Variants in MYG1 observed in about 807,000 individuals in gnomAD.
MYG1 encodes UPF0160 protein MYG1, mitochondrial.
MYG1 carries 36 observed loss-of-function variants against 43.5 expected under a neutral mutation model. The observed-to-expected ratio is 0.83, with a 90% confidence interval of 0.63 to 1.09. MYG1 has a LOEUF of 1.09. Ranked by LOEUF, MYG1 falls within the 50% of genes least tolerant of loss-of-function variation. The pLI is 0.00. For missense variants in MYG1, 529 were observed against 495.1 expected (o/e 1.07, Z -0.65); for synonymous variants, 220 against 202.8 (o/e 1.08, Z -0.72).
Position 53,306,252 on chromosome 12 carries a change from G to C in MYG1, c.697G>C (p.Asp233His). Residue 233 changes from aspartate (D) to histidine (H), a missense_variant, in exon 5 of 7, where the codon GAT becomes CAT. Transcript: ENST00000267103. The stretch of plus-strand genomic sequence containing the variant: ...TCAAGAGGAGTTTCTGCAGAGATTA[G>C]ATTTCTACCAACACAGCTGGCTGCC... ...LVQEEFLQRL[D>H]FYQHSWLPAR... The C allele has an allele frequency of 1.2e-6, 2 of 1,614,260 alleles. No individual in the cohort carries two copies. Among genetic ancestry groups the C allele is most frequent in the Non-Finnish European group, 1.7e-6 (2 of 1,180,044 alleles).
chr12:53,301,620 G>A (rs543119258), intron 2 of MYG1, among the ~76,000 whole-genome samples: 1 of 152,142 alleles, frequency 6.6e-6, no homozygotes, highest in Admixed American at 6.6e-5. Flanking sequence ...AGTTACCTCA[G>A]CACCAAACCA....
rs1944208872 is a variant in MYG1 at position 53,299,802 on chromosome 12, G to A, written c.65G>A (p.Arg22Gln). 1.9e-6 allele frequency: 3 copies of A among 1,614,030 alleles called. No homozygotes were observed. Among genetic ancestry groups the A allele is most frequent in the South Asian group, 1.1e-5 (1 of 91,080 alleles). ...CTGCCGCCGCCACCCCTGTATACCC[G>A]GCACCGCATGCTCGGTCCAGAGTCC... is the stretch of plus-strand genomic sequence containing the variant. ...LLLPPPPLYT[R>Q]HRMLGPESVP... Residue 22 changes from arginine (R) to glutamine (Q), a missense_variant, in exon 1 of 7, where the codon CGG (arginine) becomes CAG (glutamine). By Grantham distance (43) the Arg-to-Gln change is conservative. Coordinates refer to ENST00000267103, the MANE Select transcript of MYG1 (RefSeq NM_021640.4).
rs749350639 is a variant in MYG1, at chr12:53,299,794, G to A, written c.57G>A (p.Leu19=). 5 of 1,614,006 alleles carry A rather than the reference G, an allele frequency of 3.1e-6. No individual in the cohort carries two copies. Among genetic ancestry groups the A allele is most frequent in the Non-Finnish European group, 4.2e-6 (5 of 1,179,956 alleles). ...CGCTGCTGCTGCCGCCGCCACCCCT[G>A]TATACCCGGCACCGCATGCTCGGTC... The part of the protein sequence containing the change: ...LLTLLLPPPP[L]YTRHRMLGPE... Residue 19 remains leucine, a synonymous_variant, in exon 1 of 7, where the codon CTG becomes CTA. Coordinates refer to ENST00000267103, the MANE Select transcript of MYG1 (RefSeq NM_021640.4).
chr12:53,300,183 A>C lies in MYG1; in HGVS notation c.250A>C (p.Lys84Gln). 3 of 1,606,482 alleles carry C rather than the reference A, an allele frequency of 1.9e-6. No individual in the cohort carries two copies. Among genetic ancestry groups the C allele is most frequent in the Non-Finnish European group, 1.7e-6 (2 of 1,175,696 alleles). ...GATTGTGCGGACCCGGGATCCCGAAAAACTCGCTTCCTGTGACATCGTGGT... is the reference window on the plus strand; with the variant it reads ...GATTGTGCGGACCCGGGATCCCGAACAACTCGCTTCCTGTGACATCGTGGT... ...AEIVRTRDPE[K>Q]LASCDIVVDV... Residue 84 changes from lysine to glutamine, a missense_variant, in exon 2 of 7, where the codon AAA becomes CAA. Coordinates refer to ENST00000267103, the MANE Select transcript of MYG1 (RefSeq NM_021640.4).
At chr12:53,304,138 C>T (rs1477479732) in intron 3 of MYG1, among the ~76,000 whole-genome samples, 2 of 151,966 alleles carry the variant, frequency 1.3e-5, no homozygotes, top group South Asian at 2.1e-4. Context: ...CCACTGCACC[C>T]GGCCCATCAG....
At chr12:53,303,378 C>T in intron 3 of MYG1, 185 bp downstream of exon 3, 1 of 614,126 alleles carries the variant, frequency 1.6e-6, no homozygotes, top group Non-Finnish European at 2.7e-6. Context: ...CCCCTGTCTA[C>T]ATCCTGGGGT....
chr12:53,303,115 G>A lies in MYG1; in HGVS notation c.411G>A (p.Leu137=). 1 of 1,614,180 alleles carries A rather than the reference G, an allele frequency of 6.2e-7. No individual in the cohort carries two copies. Among genetic ancestry groups the A allele is most frequent in the Non-Finnish European group, 8.5e-7 (1 of 1,180,024 alleles). The change falls in exon 3 of 7, where the codon CTG becomes CTA. Residue 137 remains leucine, a synonymous_variant. Coordinates refer to ENST00000267103, the MANE Select transcript of MYG1 (RefSeq NM_021640.4). ...TGAGCAGTGCGGGACTCATCTATCT[G>A]CACTTCGGGCACAAGCTGCTGGCCC... The part of the protein sequence containing the change: ...TKLSSAGLIY[L]HFGHKLLAQL...
Position 53,303,036 on chromosome 12 carries a change from C to G in MYG1, c.332C>G (p.Ser111Cys). 2 of 1,609,906 alleles carry G rather than the reference C, an allele frequency of 1.2e-6. No homozygotes were observed. The highest frequency in any genetic ancestry group is 1.7e-6 in the Non-Finnish European group (2 of 1,177,276). The part of the protein sequence containing the change: ...RRHRYDHHQR[S>C]FTETMSSLSP... ...CCCCACCTCCCTATGCTCCTCAGGT[C>G]TTTCACAGAGACCATGAGCTCCCTG... The change falls in exon 3 of 7, where the codon TCT (serine) becomes TGT (cysteine). Residue 111 changes from serine (S) to cysteine (C), a missense_variant and splice_region_variant. By Grantham distance (112) the Ser-to-Cys change is moderately radical (BLOSUM62 -1). Coordinates refer to ENST00000267103, the MANE Select transcript of MYG1 (RefSeq NM_021640.4).
At chr12:53,302,398 A>G (rs1373211984) in intron 2 of MYG1, among the ~76,000 whole-genome samples, 1 of 152,208 alleles carries the variant, frequency 6.6e-6, no homozygotes, top group African/African-American at 2.4e-5. Flanking sequence ...AACATCTGTT[A>G]TATCTTTTCT....
rs1217812504 is a variant in MYG1, at chr12:53,306,245, G to T, written c.690G>T (p.Gln230His). 10 of 1,614,280 alleles carry T rather than the reference G, an allele frequency of 6.2e-6. No homozygotes were observed. The highest frequency in any genetic ancestry group is 8.5e-6 in the Non-Finnish European group (10 of 1,180,048). Residue 230 changes from glutamine (Q) to histidine (H), a missense_variant, in exon 5 of 7, where the codon CAG becomes CAT. By Grantham distance (24) the Gln-to-His change is conservative. Coordinates refer to ENST00000267103, the MANE Select transcript of MYG1 (RefSeq NM_021640.4). Reference sequence around the variant, plus strand: ...ATCTGGTTCAAGAGGAGTTTCTGCAGAGATTAGATTTCTACCAACACAGCT... The same window carrying T: ...ATCTGGTTCAAGAGGAGTTTCTGCATAGATTAGATTTCTACCAACACAGCT... Reference protein sequence around the residue: ...AMDLVQEEFLQRLDFYQHSWL... With the variant: ...AMDLVQEEFLHRLDFYQHSWL...
chr12:53,299,771 C>G lies in MYG1; in HGVS notation c.34C>G (p.Leu12Val), dbSNP rs199609884. ...CCAATTCCTGCGCGGCCTCTTAACG[C>G]TGCTGCTGCCGCCGCCACCCCTGTA... ...GHQFLRGLLT[L>V]LLPPPPLYTR... is the part of the protein sequence containing the mutation. Residue 12 changes from leucine to valine, a missense_variant, in exon 1 of 7, where the codon CTG becomes GTG. By Grantham distance (32) the Leu-to-Val change is conservative. Coordinates refer to ENST00000267103, the MANE Select transcript of MYG1 (RefSeq NM_021640.4). 12 of 1,612,480 alleles carry G rather than the reference C, an allele frequency of 7.4e-6. No individual in the cohort carries two copies. The highest frequency in any genetic ancestry group is 2.2e-5 in the East Asian group (1 of 44,856).
In MYG1 at chr12:53,303,157, T is replaced by G; in HGVS notation, c.453T>G (p.Ser151Arg). 2 of 1,614,126 alleles carry G rather than the reference T, an allele frequency of 1.2e-6. No individual in the cohort carries two copies. Among genetic ancestry groups the G allele is most frequent in the Non-Finnish European group, 1.7e-6 (2 of 1,180,020 alleles). The part of the protein sequence containing the change: ...HKLLAQLLGT[S>R]EEDSMVGTLY... Reference sequence around the variant, plus strand: ...TGCTGGCCCAGTTGCTGGGCACTAGTGAAGAGGACAGCATGGTGGGCACCC... The same window carrying G: ...TGCTGGCCCAGTTGCTGGGCACTAGGGAAGAGGACAGCATGGTGGGCACCC... The change falls in exon 3 of 7, where the codon AGT (serine) becomes AGG (arginine). Residue 151 changes from serine to arginine, a missense_variant. Ser to Arg is a moderately radical substitution (Grantham distance 110). Coordinates refer to ENST00000267103, the MANE Select transcript of MYG1 (RefSeq NM_021640.4).
rs1944215649 is a variant in MYG1, at chr12:53,300,167, G to A, written c.234G>A (p.Arg78=). 6.2e-7 allele frequency: 1 copy of A among 1,603,216 alleles called. No homozygotes were observed. Among genetic ancestry groups the A allele is most frequent in the Non-Finnish European group, 8.5e-7 (1 of 1,174,186 alleles). ...LPEYRDAEIV[R]TRDPEKLASC... Reference sequence around the variant, plus strand: ...CCTCGCAGGATGCAGAGATTGTGCGGACCCGGGATCCCGAAAAACTCGCTT... The same window carrying A: ...CCTCGCAGGATGCAGAGATTGTGCGAACCCGGGATCCCGAAAAACTCGCTT... The change falls in exon 2 of 7, where the codon CGG becomes CGA. Residue 78 remains arginine, a synonymous_variant. Transcript: ENST00000267103.
chr12:53,304,373 C>T (rs1306816080), intron 3 of MYG1, among the ~76,000 whole-genome samples: 2 of 151,908 alleles, frequency 1.3e-5, no homozygotes, highest in Non-Finnish European at 2.9e-5. Flanking sequence ...GCTACCTCCG[C>T]CTCCTGGGTT....
chr12:53,305,694 T>G (rs1944269226), intron 3 of MYG1: 3 of 544,738 alleles, frequency 5.5e-6, no homozygotes, highest in Non-Finnish European at 9.3e-6. Context: ...GAGCATGGAT[T>G]AGAAATCAGG....
intron 5 of MYG1, 105 bp from the exon 6 acceptor site, chr12:53,306,575 C>T: frequency 2.3e-6 from 3 of 1,280,662 alleles, no homozygotes; most frequent in Non-Finnish European, 3.3e-6. Context: ...AATTCCTGGG[C>T]TCAACTGATC....
In MYG1 at chr12:53,303,092, A is replaced by C. The variant is rs1429811111; in HGVS notation, c.388A>C (p.Ser130Arg). 1 of 1,613,976 alleles carries C rather than the reference A, an allele frequency of 6.2e-7. No individual in the cohort carries two copies. Among genetic ancestry groups the C allele is most frequent in the African/African-American group, 1.3e-5 (1 of 74,892 alleles). ...SPGKPWQTKL[S>R]SAGLIYLHFG... Reference sequence around the variant, plus strand: ...TGGGAAGCCGTGGCAGACCAAGCTGAGCAGTGCGGGACTCATCTATCTGCA... The same window carrying C: ...TGGGAAGCCGTGGCAGACCAAGCTGCGCAGTGCGGGACTCATCTATCTGCA... The change falls in exon 3 of 7, where the codon AGC becomes CGC. Residue 130 changes from serine to arginine, a missense_variant. Transcript: ENST00000267103.
At chr12:53,303,578 TG>T (rs1944246735) in intron 3 of MYG1, 1 of 176,000 alleles carries the variant, frequency 5.7e-6, no homozygotes, top group Non-Finnish European at 1.2e-5. Flanking sequence ...TTGAGGGGAG[TG>T]TATGTTAGGC....
At chr12:53,301,220 T>G (rs537106478) in intron 2 of MYG1, among the ~76,000 whole-genome samples, 3 of 152,064 alleles carry the variant, frequency 2.0e-5, no homozygotes, top group East Asian at 3.9e-4. Flanking sequence ...TGGCCTATCC[T>G]CTGGGATTTC....
Sources: allele counts gnomAD v4.1 joint callset (sites outside exome capture counted in the v4.1 genomes callset), GRCh38; gene constraint gnomAD v4.1.1; transcripts MANE v1.5; gene names NCBI Gene and HGNC (gene_info 2026-07-23, HGNC 2026-07-21).